PAX5: variants seen among roughly 807,000 people sequenced by gnomAD.
PAX5 encodes the protein paired box 5.
Under a neutral mutation model 43.7 loss-of-function variants are expected in PAX5, and 9 were observed. The observed-to-expected ratio is 0.21, with a 90% CI of 0.12 to 0.36. The LOEUF (loss-of-function observed/expected upper bound fraction) is 0.36, where lower values mean the gene tolerates loss of function less well. Ranked by LOEUF, PAX5 falls within the 10% of genes least tolerant of loss-of-function variation. The pLI is 1.00. For synonymous variants in PAX5, 228 were observed against 214.3 expected, an observed-to-expected ratio of 1.06 and a Z score of -0.56; for missense variants, 383 against 532.7, an observed-to-expected ratio of 0.72 and a Z score of 2.77.
At chr9:36,993,857 A>C (rs984016183) in intron 5 of PAX5, among the ~76,000 whole-genome samples, 1 of 151,988 alleles carries the variant, frequency 6.6e-6, no homozygotes, top group African/African-American at 2.4e-5. Context: ...AGATCCCCAC[A>C]TGGCAGCACC....
intron 9 of PAX5, among the ~76,000 whole-genome samples, chr9:36,843,061 T>TGTGA (rs2131577747): frequency 1.3e-5 from 2 of 151,474 alleles, no homozygotes; most frequent in East Asian, 3.9e-4. Flanking sequence ...AGTGTATCAG[T>TGTGA]GTGTGAGCGT....
intron 3 of PAX5, among the ~76,000 whole-genome samples, chr9:37,013,655 G>A (rs1839154980): frequency 1.3e-5 from 2 of 152,094 alleles, no homozygotes; most frequent in South Asian, 4.2e-4. Context: ...TATCCCCTCA[G>A]CAATTTTGTC....
chr9:36,984,132 C>G lies in PAX5; in HGVS notation c.605-17408G>C, dbSNP rs973610124. ...CTTCTCCTCCCTGCTGGAGCCTTCTCTCAGCTGTCTATACCTAGGTCAAGA... is the reference window on the plus strand; with the variant it reads ...CTTCTCCTCCCTGCTGGAGCCTTCTGTCAGCTGTCTATACCTAGGTCAAGA... On this transcript the variant is annotated intron_variant, in intron 5 of 9. Coordinates refer to ENST00000358127, the MANE Select transcript of PAX5 (RefSeq NM_016734.3). Among the ~76,000 whole-genome samples the G allele has an allele frequency of 3.3e-5, 5 of 152,322 alleles. No homozygotes were observed. The South Asian group carries it at 1.0e-3, about 32-fold the overall frequency.
chr9:36,983,513 T>C (rs1001190001), intron 5 of PAX5, among the ~76,000 whole-genome samples: 1 of 152,248 alleles, frequency 6.6e-6, no homozygotes, highest in African/African-American at 2.4e-5. Context: ...ATTTTTTAAA[T>C]TATGTGTATG....
intron 5 of PAX5, among the ~76,000 whole-genome samples, chr9:37,000,131 C>G (rs114643582): frequency 0.012 from 1,770 of 152,258 alleles, 33 homozygotes; most frequent in African/African-American, 0.041. Context: ...CCCCTAGGGC[C>G]ACTGCAGGAA....
In PAX5 at chr9:36,837,926, C is replaced by A. The variant is rs771943865; in HGVS notation, c.*2634G>T. Reference sequence around the variant, plus strand: ...TGACCTCCTCCCAACAGCCTGGAACCACAAGGAGGGCAGGATCCAAAGATG... The same window carrying A: ...TGACCTCCTCCCAACAGCCTGGAACAACAAGGAGGGCAGGATCCAAAGATG... On this transcript the variant is annotated 3_prime_UTR_variant, in exon 10 of 10. Coordinates refer to ENST00000358127, the MANE Select transcript of PAX5 (RefSeq NM_016734.3). The A allele has an allele frequency of 4.3e-5, 10 of 233,370 alleles. No individual in the cohort carries two copies. The highest frequency in any genetic ancestry group is 3.9e-4 in the Admixed American group (7 of 17,786). The allele number at this position is 233,370 out of a possible 1,614,324, so 14.5% of individuals were successfully genotyped here. A position where few individuals can be genotyped will look rare whatever the true frequency, so the allele number is the denominator to read the frequency against.
Position 36,996,934 on chromosome 9 carries a change from A to C in PAX5, c.604+5714T>G, listed in dbSNP as rs144576447. Among the ~76,000 whole-genome samples the C allele has an allele frequency of 3.8e-3, 574 of 152,288 alleles. 2 individuals carry two copies. The highest frequency in any genetic ancestry group is 0.013 in the African/African-American group (529 of 41,564). On this transcript the variant is annotated intron_variant, in intron 5 of 9. Coordinates refer to ENST00000358127, the MANE Select transcript of PAX5 (RefSeq NM_016734.3). Reference sequence around the variant, plus strand: ...GTGTGTGTGAGAGAGAGTATGTACGAAAAAGAAAGCTAGTGAGAGCTAGAC... The same window carrying C: ...GTGTGTGTGAGAGAGAGTATGTACGCAAAAGAAAGCTAGTGAGAGCTAGAC...
At chr9:36,941,117 C>T (rs1286985812) in intron 6 of PAX5, among the ~76,000 whole-genome samples, 1 of 152,176 alleles carries the variant, frequency 6.6e-6, no homozygotes, top group African/African-American at 2.4e-5. Context: ...CGTGCAAGGG[C>T]GTGGCCTGCA....
At chr9:36,859,702 T>A (rs1331811246) in intron 8 of PAX5, among the ~76,000 whole-genome samples, 1 of 152,068 alleles carries the variant, frequency 6.6e-6, no homozygotes, top group African/African-American at 2.4e-5. Flanking sequence ...AATAATGCAG[T>A]GACCCAGGCC....
chr9:37,003,169 A>AAAAAAAAAAC lies in PAX5; in HGVS notation c.476-394_476-393insGTTTTTTTTT, dbSNP rs1554681647. 4.5e-4 allele frequency among the ~76,000 whole-genome samples: 67 copies of AAAAAAAAAAC among 149,466 alleles called. 3 individuals carry two copies. In the South Asian group the frequency reaches 0.012, roughly 28 times the overall value. The stretch of plus-strand genomic sequence containing the variant: ...AGTCAGTGCTTAAAAAAAAAAAAAA[A>AAAAAAAAAAC]AAAAAAAAAAAACCTGAACTACTCG... On this transcript the variant is annotated intron_variant, in intron 4 of 9. Transcript: ENST00000358127.
intron 6 of PAX5, among the ~76,000 whole-genome samples, chr9:36,939,882 A>T (rs1831898904): frequency 6.6e-6 from 1 of 151,100 alleles, no homozygotes; most frequent in Admixed American, 6.6e-5. Context: ...AGCAGATTGG[A>T]TGCCCAGTGT....
At chr9:36,903,553 C>A (rs986594924) in intron 7 of PAX5, among the ~76,000 whole-genome samples, 6 of 152,208 alleles carry the variant, frequency 3.9e-5, no homozygotes, top group Non-Finnish European at 8.8e-5. Flanking sequence ...CCTGAGGCTG[C>A]TGGGGCATGT....
chr9:36,912,339 ACT>A (rs1829364177), intron 7 of PAX5, among the ~76,000 whole-genome samples: 1 of 151,628 alleles, frequency 6.6e-6, no homozygotes, highest in Admixed American at 6.6e-5. Flanking sequence ...CTGTGAGAAA[ACT>A]CTAGTGCTGG....
rs572713033 is a variant in PAX5 at position 36,946,205 on chromosome 9, G to A, written c.780+20344C>T. On this transcript the variant is annotated intron_variant, in intron 6 of 9. Transcript: ENST00000358127. The stretch of plus-strand genomic sequence containing the variant: ...TCCGTCAGGATGCAGTGCTCCATCA[G>A]GAAGTGACTCCCTGAGGCTCGCAGA... Among the ~76,000 whole-genome samples, 3 of 152,274 alleles carry A rather than the reference G, an allele frequency of 2.0e-5. No homozygotes were observed. The East Asian group carries it at 5.8e-4, about 29-fold the overall frequency.
At chr9:36,917,484 T>C (rs371179938) in intron 7 of PAX5, among the ~76,000 whole-genome samples, 69 of 152,358 alleles carry the variant, frequency 4.5e-4, no homozygotes, top group African/African-American at 1.6e-3. Context: ...AAATCCAGAC[T>C]TTTGTTTTCT....
intron 5 of PAX5, among the ~76,000 whole-genome samples, chr9:36,997,347 G>A (rs1211611698): frequency 2.0e-5 from 3 of 152,246 alleles, no homozygotes; most frequent in Admixed American, 2.0e-4. Context: ...ACTGGTGAAA[G>A]GGATTCGCAC....
chr9:36,863,997 T>C (rs1742033126), intron 8 of PAX5, among the ~76,000 whole-genome samples: 1 of 152,178 alleles, frequency 6.6e-6, no homozygotes, highest in African/African-American at 2.4e-5. Context: ...TAGTCCCAGC[T>C]ACTCGGGAGG....
At chr9:36,934,233 G>A (rs923262119) in intron 6 of PAX5, among the ~76,000 whole-genome samples, 4 of 152,348 alleles carry the variant, frequency 2.6e-5, no homozygotes, top group Admixed American at 6.5e-5. Flanking sequence ...AGGGGGATAT[G>A]TGACCTACCT....
intron 6 of PAX5, among the ~76,000 whole-genome samples, chr9:36,950,899 C>T (rs919004292): frequency 1.3e-5 from 2 of 152,082 alleles, no homozygotes; most frequent in African/African-American, 4.8e-5. Flanking sequence ...CACCACCACG[C>T]CCAGCTAATT....
Sources: allele counts gnomAD v4.1 joint callset (sites outside exome capture counted in the v4.1 genomes callset), GRCh38; gene constraint gnomAD v4.1.1; transcripts MANE v1.5; gene names NCBI Gene and HGNC (gene_info 2026-07-23, HGNC 2026-07-21).